Variants in LRBA observed in about 807,000 individuals in gnomAD.
LRBA encodes the protein lipopolysaccharide-responsive and beige-like anchor protein.
LRBA carries 176 observed loss-of-function variants against 330.0 expected under a neutral mutation model. That is an observed-to-expected ratio of 0.53 (90% confidence interval 0.47 to 0.60). The LOEUF is 0.60. Ranked by LOEUF, LRBA falls within the 20% of genes least tolerant of loss-of-function variation. The probability of loss-of-function intolerance (pLI) is 0.00; values close to 1 mark genes in which losing one functional copy is unlikely to be tolerated. For missense variants in LRBA, 3,259 were observed against 3,444.8 expected, an observed-to-expected ratio of 0.95 and a Z score of 1.35; for synonymous variants, 1,230 against 1,193.0, an observed-to-expected ratio of 1.03 and a Z score of -0.64.
intron 2 of LRBA, among the ~76,000 whole-genome samples, chr4:150,953,733 C>T (rs1204386664): frequency 1.3e-5 from 2 of 151,942 alleles, no homozygotes; most frequent in Non-Finnish European, 2.9e-5. Context: ...TCCCAGCCGC[C>T]TGCCTTGGCC....
Position 150,966,615 on chromosome 4 carries a change from C to T in LRBA, c.217-37550G>A, listed in dbSNP as rs907058717. ...TGCTGGGATTACAGGCGTGAGCCACCGCGCCCGGCCGCTAGTTCATTCTTA... is the reference window on the plus strand; with the variant it reads ...TGCTGGGATTACAGGCGTGAGCCACTGCGCCCGGCCGCTAGTTCATTCTTA... On this transcript the variant is annotated intron_variant, in intron 2 of 56. Transcript: ENST00000651943. 2.6e-5 allele frequency among the ~76,000 whole-genome samples: 4 copies of T among 151,882 alleles called. No homozygotes were observed. In the East Asian group the frequency reaches 5.8e-4, roughly 22 times the overall value.
chr4:150,713,712 G>A (rs867860141), intron 36 of LRBA, among the ~76,000 whole-genome samples: 11 of 152,168 alleles, frequency 7.2e-5, no homozygotes, highest in Non-Finnish European at 1.0e-4. Context: ...GATACCGTAA[G>A]TGATGATCTA....
At chr4:150,725,947 T>C (rs1729609193) in intron 36 of LRBA, among the ~76,000 whole-genome samples, 1 of 152,136 alleles carries the variant, frequency 6.6e-6, no homozygotes, top group African/African-American at 2.4e-5. Context: ...GGTTATAAGA[T>C]TGTGTTGGCA....
chr4:150,731,731 C>T (rs1730484950), intron 36 of LRBA, among the ~76,000 whole-genome samples: 1 of 151,958 alleles, frequency 6.6e-6, no homozygotes, highest in Non-Finnish European at 1.5e-5. Context: ...TGACGATGAT[C>T]TATAGGTATA....
chr4:150,289,687 G>A (rs1327996768), intron 53 of LRBA, among the ~76,000 whole-genome samples: 1 of 152,088 alleles, frequency 6.6e-6, no homozygotes, highest in East Asian at 1.9e-4. Context: ...TTTAAAGATT[G>A]TATTCCCTTT....
intron 40 of LRBA, among the ~76,000 whole-genome samples, chr4:150,568,135 G>A (rs556225725): frequency 4.1e-4 from 63 of 152,000 alleles, no homozygotes; most frequent in Admixed American, 2.2e-3. Flanking sequence ...GTGAGACCCC[G>A]TCTCTACAAT....
intron 34 of LRBA, among the ~76,000 whole-genome samples, chr4:150,797,123 T>C (rs1740896720): frequency 6.6e-6 from 1 of 151,968 alleles, no homozygotes; most frequent in African/African-American, 2.4e-5. Flanking sequence ...TATTGATTTT[T>C]CACACCTTCT....
At chr4:150,619,319 T>C (rs1263167359) in intron 37 of LRBA, among the ~76,000 whole-genome samples, 1 of 152,162 alleles carries the variant, frequency 6.6e-6, no homozygotes, top group Admixed American at 6.5e-5. Context: ...TGGAAGCTGA[T>C]GTGGCTTTTT....
chr4:150,406,068 T>C (rs1481011492), intron 47 of LRBA, among the ~76,000 whole-genome samples: 3 of 151,734 alleles, frequency 2.0e-5, no homozygotes, highest in Admixed American at 2.0e-4. Context: ...AAATAAAATG[T>C]ATATTGTAGT....
At chr4:150,771,619 C>T (rs1025090679) in intron 34 of LRBA, among the ~76,000 whole-genome samples, 1 of 152,092 alleles carries the variant, frequency 6.6e-6, no homozygotes, top group Non-Finnish European at 1.5e-5. Flanking sequence ...TGGAAGGGGT[C>T]AAATGCAATC....
chr4:150,808,140 C>T (rs1200536450), intron 32 of LRBA, among the ~76,000 whole-genome samples, 180 bp downstream of exon 32: 1 of 152,074 alleles, frequency 6.6e-6, no homozygotes, highest in African/African-American at 2.4e-5. Flanking sequence ...ATGACTTGTA[C>T]ATCTTATAAT....
chr4:150,707,916 T>A (rs1207451121), intron 36 of LRBA, among the ~76,000 whole-genome samples: 2 of 151,734 alleles, frequency 1.3e-5, no homozygotes, highest in African/African-American at 4.8e-5. Flanking sequence ...TCATTCAAAA[T>A]AATACACAAT....
At chr4:150,779,198 T>C (rs994308148) in intron 34 of LRBA, among the ~76,000 whole-genome samples, 2 of 152,148 alleles carry the variant, frequency 1.3e-5, no homozygotes, top group East Asian at 1.9e-4. Context: ...CTATAAACAT[T>C]TTCTAAACAA....
At chr4:150,903,216 C>T (rs1157840425) in intron 13 of LRBA, among the ~76,000 whole-genome samples, 1 of 151,778 alleles carries the variant, frequency 6.6e-6, no homozygotes, top group Admixed American at 6.6e-5. Flanking sequence ...ACCCTAGTCT[C>T]TACAAAAAAA....
chr4:150,585,654 G>A (rs1772024498), intron 40 of LRBA, among the ~76,000 whole-genome samples: 1 of 152,164 alleles, frequency 6.6e-6, no homozygotes, highest in African/African-American at 2.4e-5. Context: ...CTATGCTAAT[G>A]ATGAGACACA....
chr4:150,404,491 AATG>A (rs2151934522), intron 47 of LRBA, among the ~76,000 whole-genome samples: 1 of 152,300 alleles, frequency 6.6e-6, no homozygotes, highest in South Asian at 2.1e-4. Context: ...CTCATACTGC[AATG>A]ATAAGAAGAA....
intron 36 of LRBA, among the ~76,000 whole-genome samples, chr4:150,715,808 C>A (rs1344538619): frequency 6.6e-6 from 1 of 152,144 alleles, no homozygotes; most frequent in East Asian, 1.9e-4. Flanking sequence ...CTTTTCATTA[C>A]AACTTAAAGA....
At chr4:150,995,906 T>C (rs1322170280) in intron 2 of LRBA, among the ~76,000 whole-genome samples, 1 of 152,050 alleles carries the variant, frequency 6.6e-6, no homozygotes, top group African/African-American at 2.4e-5. Context: ...GGATCTCAAG[T>C]AGGTTCAGAA....
intron 46 of LRBA, among the ~76,000 whole-genome samples, chr4:150,433,403 G>A (rs1750688599): frequency 1.3e-5 from 2 of 152,084 alleles, no homozygotes; most frequent in Admixed American, 6.5e-5. Flanking sequence ...TCTATCATAT[G>A]TACCTCCTGC....
Sources: allele counts gnomAD v4.1 joint callset (sites outside exome capture counted in the v4.1 genomes callset), GRCh38; gene constraint gnomAD v4.1.1; transcripts MANE v1.5; gene names NCBI Gene and HGNC (gene_info 2026-07-23, HGNC 2026-07-21).